The following CEP112 variants were observed in gnomAD, a reference collection of about 807,000 sequenced individuals.
CEP112 encodes centrosomal protein 112.
In CEP112, 127 loss-of-function variants were observed where a neutral mutation model predicts 153.0. That is an observed-to-expected ratio of 0.83 (90% CI 0.72 to 0.96). The LOEUF (loss-of-function observed/expected upper bound fraction) is 0.96, where lower values mean the gene tolerates loss of function less well. Among genes scored for constraint, CEP112 ranks in the 40% least tolerant of loss-of-function variants. The pLI, the probability that CEP112 is intolerant of heterozygous loss-of-function variation, is 0.00. For synonymous variants in CEP112, 358 were observed against 374.4 expected, an observed-to-expected ratio of 0.96 and a Z score of 0.51; for missense variants, 1,089 against 1,101.2, an observed-to-expected ratio of 0.99 and a Z score of 0.16.
At chr17:66,025,975 C>CA (rs2065191106) in intron 16 of CEP112, among the ~76,000 whole-genome samples, 1 of 94,602 alleles carries the variant, frequency 1.1e-5, no homozygotes, top group East Asian at 2.9e-4. Flanking sequence ...AGACCACACA[C>CA]ACACACACCC....
Position 66,028,336 on chromosome 17 carries a change from G to A in CEP112, c.1573C>T (p.Leu525Phe). 1 of 1,597,158 alleles carries A rather than the reference G, an allele frequency of 6.3e-7. No individual in the cohort carries two copies. Among genetic ancestry groups the A allele is most frequent in the East Asian group, 2.3e-5 (1 of 44,086 alleles). ...QLKQQLQESELQRKQQLRDQE... is the reference protein window; with the variant it reads ...QLKQQLQESEFQRKQQLRDQE... ...ACCCTTAGTTGTTGCTTTCTTTGAA[G>A]TTCTGATTCCTGTAACTGCTGTTTT... The change falls in exon 15 of 27, where the codon CTT becomes TTT. Residue 525 changes from leucine to phenylalanine, a missense_variant. Transcript: ENST00000535342.
At chr17:65,656,546 T>C (rs1449313780) in intron 24 of CEP112, among the ~76,000 whole-genome samples, 1 of 152,204 alleles carries the variant, frequency 6.6e-6, no homozygotes, top group Non-Finnish European at 1.5e-5. Flanking sequence ...TTTTTGTAAA[T>C]AAAGTTTTAC....
Position 66,177,022 on chromosome 17 carries a change from T to C in CEP112, c.107-2A>G. 3 of 1,590,852 alleles carry C rather than the reference T, an allele frequency of 1.9e-6. No individual in the cohort carries two copies. Among genetic ancestry groups the C allele is most frequent in the Non-Finnish European group, 2.6e-6 (3 of 1,172,862 alleles). On this transcript the variant is annotated splice_acceptor_variant, in intron 2 of 26. Coordinates refer to ENST00000535342, the MANE Select transcript of CEP112 (RefSeq NM_001199165.4). LOFTEE classifies it high-confidence loss of function. ...TCCAAAGAGCACACCTCTGCCGTTCTATAAATACAGAAGAACTATTAGAAA... is the reference window on the plus strand; with the variant it reads ...TCCAAAGAGCACACCTCTGCCGTTCCATAAATACAGAAGAACTATTAGAAA...
intron 4 of CEP112, among the ~76,000 whole-genome samples, chr17:66,174,290 T>C (rs2072375018): frequency 1.3e-5 from 2 of 152,180 alleles, no homozygotes; most frequent in Non-Finnish European, 2.9e-5. Context: ...CTACATCAAC[T>C]GTGGAGACAT....
At chr17:65,884,702 GTTTCTTTTTTTTT>G (rs1357440247) in intron 20 of CEP112, among the ~76,000 whole-genome samples, 137 of 100,884 alleles carry the variant, frequency 1.4e-3, no homozygotes, top group African/African-American at 4.0e-3. Context: ...TTAGTTTGTA[GTTTCTTTTTTTTT>G]TTTCTTTTTT....
intron 4 of CEP112, among the ~76,000 whole-genome samples, chr17:66,144,672 AAC>A (rs780428150): frequency 6.6e-6 from 1 of 152,218 alleles, no homozygotes; most frequent in Non-Finnish European, 1.5e-5. Context: ...CAGTGTGAGC[AAC>A]AGAGCAAGGC....
chr17:65,779,432 G>A (rs997013729), intron 21 of CEP112, among the ~76,000 whole-genome samples: 3 of 152,158 alleles, frequency 2.0e-5, no homozygotes, highest in Non-Finnish European at 4.4e-5. Flanking sequence ...TATTCTTGAT[G>A]TTGTATCCTA....
chr17:65,667,558 TACACACACAC>T (rs71361241), intron 24 of CEP112, among the ~76,000 whole-genome samples: 4 of 149,178 alleles, frequency 2.7e-5, no homozygotes, highest in African/African-American at 7.4e-5. Context: ...TTTGTACTCT[TACACACACAC>T]ACACACACAC....
chr17:65,878,922 T>C (rs1448714164), intron 20 of CEP112, among the ~76,000 whole-genome samples: 1 of 151,990 alleles, frequency 6.6e-6, no homozygotes, highest in African/African-American at 2.4e-5. Flanking sequence ...CTCTCTTCAT[T>C]CCAGCCCTTA....
chr17:65,906,731 T>C (rs2060098260), intron 19 of CEP112, among the ~76,000 whole-genome samples: 1 of 152,172 alleles, frequency 6.6e-6, no homozygotes, highest in African/African-American at 2.4e-5. Context: ...TAAATGTGTA[T>C]GCTTTGTTCT....
chr17:66,159,823 T>A (rs990531910), intron 4 of CEP112, among the ~76,000 whole-genome samples: 3 of 152,074 alleles, frequency 2.0e-5, no homozygotes, highest in Admixed American at 2.0e-4. Flanking sequence ...CCACTCCTAT[T>A]CAACATAGTA....
chr17:65,670,964 C>T (rs1005898830), intron 24 of CEP112, among the ~76,000 whole-genome samples: 1 of 151,782 alleles, frequency 6.6e-6, no homozygotes, highest in Non-Finnish European at 1.5e-5. Flanking sequence ...ACACTACAGT[C>T]GTTGAAAAAA....
At chr17:65,901,813 G>A (rs2059859923) in intron 20 of CEP112, among the ~76,000 whole-genome samples, 1 of 151,780 alleles carries the variant, frequency 6.6e-6, no homozygotes, top group Non-Finnish European at 1.5e-5. Context: ...ATATTTCATA[G>A]GGATTTGCTA....
At position 65,934,074 on chromosome 17, in the gene CEP112, C is replaced by T. The variant is rs149082035; in HGVS notation, c.1873-6385G>A. Among the ~76,000 whole-genome samples, 215 of 152,054 alleles carry T rather than the reference C, an allele frequency of 1.4e-3. 4 individuals are homozygous for T. The East Asian group carries it at 0.039, about 27-fold the overall frequency. The stretch of plus-strand genomic sequence containing the variant: ...CACAGTTGTGTGTGCCTGTAGTCCC[C>T]GCTACTCGGGAGGCTGAGGCACGAG... On this transcript the variant is annotated intron_variant, in intron 18 of 26. Transcript: ENST00000535342.
intron 12 of CEP112, among the ~76,000 whole-genome samples, chr17:66,039,342 T>C (rs987891468): frequency 3.3e-5 from 5 of 152,004 alleles, no homozygotes; most frequent in African/African-American, 1.2e-4. Context: ...TTAAAAAGGG[T>C]TAGTATTAGG....
At chr17:65,863,612 A>T (rs901618275) in intron 20 of CEP112, among the ~76,000 whole-genome samples, 1 of 147,684 alleles carries the variant, frequency 6.8e-6, no homozygotes, top group African/African-American at 2.5e-5. Context: ...AAAAAAAATT[A>T]GCCGGGTGCA....
At chr17:66,169,046 C>T (rs1048005023) in intron 4 of CEP112, among the ~76,000 whole-genome samples, 14 of 152,162 alleles carry the variant, frequency 9.2e-5, no homozygotes, top group African/African-American at 3.4e-4. Flanking sequence ...AAAACAAACC[C>T]TGGGTGCATT....
At chr17:66,130,788 A>AAC (rs1224278630) in intron 5 of CEP112, among the ~76,000 whole-genome samples, 2 of 151,818 alleles carry the variant, frequency 1.3e-5, no homozygotes, top group African/African-American at 4.8e-5. Flanking sequence ...AAAAAAAAAA[A>AAC]AAAAACACAC....
At chr17:66,090,358 T>C (rs1000631890) in intron 8 of CEP112, among the ~76,000 whole-genome samples, 2 of 152,050 alleles carry the variant, frequency 1.3e-5, no homozygotes, top group African/African-American at 4.8e-5. Context: ...TTAAATATAA[T>C]AGCCACAATA....
Sources: allele counts gnomAD v4.1 joint callset (sites outside exome capture counted in the v4.1 genomes callset), GRCh38; gene constraint gnomAD v4.1.1; transcripts MANE v1.5; gene names NCBI Gene and HGNC (gene_info 2026-07-23, HGNC 2026-07-21).